PLXDC2: variants seen among roughly 807,000 people sequenced by gnomAD.
PLXDC2 encodes the protein plexin domain containing 2.
In PLXDC2, 40 loss-of-function variants were observed where a neutral mutation model predicts 68.9. That is an observed-to-expected ratio of 0.58 (90% CI 0.45 to 0.76). The LOEUF is 0.76. Among genes scored for constraint, PLXDC2 ranks in the 30% least tolerant of loss-of-function variants. PLXDC2 has a pLI of 0.00. For synonymous variants in PLXDC2, 243 were observed against 234.2 expected (o/e 1.04, Z -0.34); for missense variants, 644 against 661.9 (o/e 0.97, Z 0.30).
chr10:19,922,338 G>C (rs1363208956), intron 1 of PLXDC2, among the ~76,000 whole-genome samples: 1 of 152,230 alleles, frequency 6.6e-6, no homozygotes, highest in African/African-American at 2.4e-5. Context: ...TTATGGGGCT[G>C]TCCCTGGAGG....
At chr10:19,917,786 G>A (rs551366014) in intron 1 of PLXDC2, among the ~76,000 whole-genome samples, 9 of 152,192 alleles carry the variant, frequency 5.9e-5, no homozygotes, top group Non-Finnish European at 1.0e-4. Context: ...AATGCATTAC[G>A]ATAAAATAAA....
intron 1 of PLXDC2, among the ~76,000 whole-genome samples, chr10:19,934,755 CG>C (rs1334759783): frequency 1.3e-5 from 2 of 152,168 alleles, no homozygotes; most frequent in African/African-American, 4.8e-5. Flanking sequence ...AACTAGTTTG[CG>C]TTCTAGACTG....
intron 2 of PLXDC2, among the ~76,000 whole-genome samples, chr10:20,020,033 G>GT (rs200344409): frequency 0.017 from 2,440 of 147,202 alleles, 54 homozygotes; most frequent in African/African-American, 0.055. Context: ...TTTATTTTTT[G>GT]TTTTTTCTTT....
intron 1 of PLXDC2, among the ~76,000 whole-genome samples, chr10:19,886,089 C>G (rs1204041992): frequency 1.3e-5 from 2 of 151,984 alleles, no homozygotes; most frequent in Admixed American, 1.3e-4. Flanking sequence ...AAGGTGGATT[C>G]CTAGGTATTT....
chr10:19,873,628 C>T (rs527395397), intron 1 of PLXDC2, among the ~76,000 whole-genome samples: 131 of 152,170 alleles, frequency 8.6e-4, no homozygotes, highest in African/African-American at 2.3e-3. Context: ...AAGTATGATC[C>T]TTTGCACATT....
intron 4 of PLXDC2, chr10:20,091,755 T>G (rs558399792): frequency 1.3e-5 from 2 of 152,392 alleles, no homozygotes; most frequent in African/African-American, 4.8e-5. Flanking sequence ...CTGCAGGTCC[T>G]AGGGCCTCAG....
intron 1 of PLXDC2, among the ~76,000 whole-genome samples, chr10:19,848,598 A>G (rs333694): frequency 0.082 from 12,498 of 152,212 alleles, 905 homozygotes; most frequent in East Asian, 0.28. Flanking sequence ...CAAAATACTT[A>G]CCAAAAGTAC....
intron 2 of PLXDC2, chr10:20,043,316 T>C (rs1189340267): frequency 2.6e-5 from 4 of 152,218 alleles, no homozygotes; most frequent in South Asian, 2.1e-4. Context: ...AGATGTGATA[T>C]TGTTTTTGGC....
At chr10:20,073,143 T>C (rs896526124) in intron 4 of PLXDC2, among the ~76,000 whole-genome samples, 1 of 152,342 alleles carries the variant, frequency 6.6e-6, no homozygotes, top group Middle Eastern at 3.4e-3. Flanking sequence ...AAATTCCTCT[T>C]GAACCTGTTT....
intron 4 of PLXDC2, among the ~76,000 whole-genome samples, chr10:20,106,493 G>A (rs1833492260): frequency 6.6e-6 from 1 of 152,142 alleles, no homozygotes. Flanking sequence ...CCCTTGAGAT[G>A]GTCCTTAGAG....
chr10:20,175,051 C>A (rs963844871), intron 7 of PLXDC2, among the ~76,000 whole-genome samples: 9 of 151,902 alleles, frequency 5.9e-5, no homozygotes, highest in Admixed American at 3.9e-4. Context: ...AAGTTTGATT[C>A]CAGGATTGTA....
chr10:19,892,070 A>G (rs1837972563), intron 1 of PLXDC2, among the ~76,000 whole-genome samples: 1 of 152,234 alleles, frequency 6.6e-6, no homozygotes, highest in Non-Finnish European at 1.5e-5. Context: ...GACAGTGTGG[A>G]GAAATAGTCA....
chr10:19,980,416 A>T (rs1413466024), intron 1 of PLXDC2, among the ~76,000 whole-genome samples: 1 of 152,158 alleles, frequency 6.6e-6, no homozygotes, highest in Non-Finnish European at 1.5e-5. Flanking sequence ...AATACCATAG[A>T]CTGGGTGGCA....
At chr10:20,066,303 A>T (rs972276035) in intron 3 of PLXDC2, among the ~76,000 whole-genome samples, 1 of 152,232 alleles carries the variant, frequency 6.6e-6, no homozygotes. Context: ...ATATTTGAAT[A>T]CTTGCAGTGG....
rs1432960293 is a variant in PLXDC2, at chr10:20,044,163, CTCTT to C, written c.325-2695_325-2692del. 1.6e-3 allele frequency among the ~76,000 whole-genome samples: 207 copies of C among 133,472 alleles called. 7 individuals are homozygous for C. Among genetic ancestry groups the C allele is most frequent in the African/African-American group, 5.5e-3 (192 of 34,660 alleles). 87.6% of individuals were successfully genotyped at this position (133,472 alleles called of 152,430 possible). A position where few individuals can be genotyped will look rare whatever the true frequency, so the allele number is the denominator to read the frequency against. On this transcript the variant is annotated intron_variant, in intron 2 of 13. Transcript: ENST00000377252. Reference sequence around the variant, plus strand: ...CTCTCTCTTTTTCCTTCCTTCCTTCCTCTTTCTTTCTTTCCTTCTTTCTTTCTTT... The same window carrying C: ...CTCTCTCTTTTTCCTTCCTTCCTTCCTCTTTCTTTCCTTCTTTCTTTCTTT...
chr10:19,956,092 C>T (rs767037889), intron 1 of PLXDC2, among the ~76,000 whole-genome samples: 2 of 151,966 alleles, frequency 1.3e-5, no homozygotes, highest in Non-Finnish European at 2.9e-5. Context: ...AAAAAATTCT[C>T]GTAATTTTCT....
chr10:20,182,441 G>A (rs562322320), intron 9 of PLXDC2, among the ~76,000 whole-genome samples: 1 of 151,910 alleles, frequency 6.6e-6, no homozygotes, highest in African/African-American at 2.4e-5. Flanking sequence ...TCAGAAATTT[G>A]GTCCTTTTAA....
intron 1 of PLXDC2, among the ~76,000 whole-genome samples, chr10:19,846,171 C>G (rs1837005859): frequency 6.6e-6 from 1 of 152,104 alleles, no homozygotes; most frequent in African/African-American, 2.4e-5. Flanking sequence ...GGCAACCACC[C>G]TAAAGAATAA....
intron 1 of PLXDC2, among the ~76,000 whole-genome samples, chr10:19,897,301 A>T (rs1838076011): frequency 6.7e-6 from 1 of 149,636 alleles, no homozygotes; most frequent in Non-Finnish European, 1.5e-5. Flanking sequence ...GTGTAATGGC[A>T]CGATCTCGGC....
Sources: gnomAD v4.1 joint callset for allele counts (sites outside exome capture counted in the v4.1 genomes callset) on GRCh38, gnomAD v4.1.1 for gene constraint, MANE v1.5 for transcripts, NCBI Gene and HGNC (gene_info 2026-07-23, HGNC 2026-07-21) for gene names.